The following C1GALT1 variants were observed in gnomAD, a reference collection of about 807,000 sequenced individuals.
C1GALT1 encodes the protein glycoprotein-N-acetylgalactosamine 3-beta-galactosyltransferase 1.
A neutral mutation model predicts 31.0 loss-of-function variants in C1GALT1; 11 were observed. The ratio of observed to expected loss-of-function variants is 0.36; its 90% confidence interval spans 0.22 to 0.59. The LOEUF is 0.59. C1GALT1 is among the 20% of genes least tolerant of loss of function. The pLI is 0.79. For synonymous variants in C1GALT1, 175 were observed against 143.6 expected, an observed-to-expected ratio of 1.22 and a Z score of -1.56; for missense variants, 424 against 425.2, an observed-to-expected ratio of 1.00 and a Z score of 0.03.
chr7:7,219,881 AAT>A (rs1290274630), intron 1 of C1GALT1, among the ~76,000 whole-genome samples: 5 of 152,122 alleles, frequency 3.3e-5, no homozygotes, highest in Admixed American at 1.3e-4. Flanking sequence ...CTTATGTTCT[AAT>A]ATGTTTTCAT....
intron 1 of C1GALT1, among the ~76,000 whole-genome samples, chr7:7,202,113 C>G (rs749507110): frequency 5.9e-5 from 9 of 152,124 alleles, no homozygotes; most frequent in African/African-American, 2.2e-4. Flanking sequence ...GTGAATTGGC[C>G]CTTTGGGATC....
chr7:7,190,472 C>T (rs539890857), intron 1 of C1GALT1, among the ~76,000 whole-genome samples: 1 of 152,264 alleles, frequency 6.6e-6, no homozygotes, highest in Admixed American at 6.5e-5. Flanking sequence ...AACATAGTTT[C>T]TGACAGTCTG....
At chr7:7,198,228 A>G (rs897191996) in intron 1 of C1GALT1, among the ~76,000 whole-genome samples, 1 of 152,194 alleles carries the variant, frequency 6.6e-6, no homozygotes, top group African/African-American at 2.4e-5. Flanking sequence ...ATTTATTGAG[A>G]GTTTTTAGCA....
Position 7,245,256 on chromosome 7 carries a change from C to T in C1GALT1, c.*1529C>T, listed in dbSNP as rs772759210. The T allele has an allele frequency of 1.3e-5, 2 of 152,264 alleles. No individual in the cohort carries two copies. Among genetic ancestry groups the T allele is most frequent in the Non-Finnish European group, 2.9e-5 (2 of 68,066 alleles). The allele number at this position is 152,264 out of a possible 1,614,324, so 9.4% of individuals were successfully genotyped here. On this transcript the variant is annotated 3_prime_UTR_variant, in exon 4 of 4. Transcript: ENST00000436587. ...TTTTTCGGAGACTGTCTCACTCTGTCTCCCAGGCTGGACTGCAGTGGTGCG... is the reference window on the plus strand; with the variant it reads ...TTTTTCGGAGACTGTCTCACTCTGTTTCCCAGGCTGGACTGCAGTGGTGCG...
intron 1 of C1GALT1, among the ~76,000 whole-genome samples, chr7:7,204,103 T>G (rs1042588115): frequency 1.4e-5 from 2 of 147,952 alleles, no homozygotes; most frequent in Admixed American, 6.7e-5. Context: ...TTCTGTTTTT[T>G]TTTTTTTGTT....
intron 2 of C1GALT1, among the ~76,000 whole-genome samples, chr7:7,163,871 C>T (rs1476645974): frequency 3.3e-5 from 5 of 151,394 alleles, no homozygotes; most frequent in African/African-American, 7.3e-5. Flanking sequence ...GAATCAATAT[C>T]GTGAAAATGG....
At chr7:7,175,439 G>C (rs1780495183) in intron 2 of C1GALT1, among the ~76,000 whole-genome samples, 1 of 152,180 alleles carries the variant, frequency 6.6e-6, no homozygotes, top group Non-Finnish European at 1.5e-5. Context: ...CATGTGCATG[G>C]CTTTCTAAAT....
chr7:7,237,051 C>G (rs1046040989), intron 2 of C1GALT1, among the ~76,000 whole-genome samples: 3 of 152,192 alleles, frequency 2.0e-5, no homozygotes, highest in African/African-American at 7.2e-5. Context: ...TAAAGAATGT[C>G]TGCTTATTTG....
At chr7:7,158,367 A>G (rs1178229766) in intron 2 of C1GALT1, among the ~76,000 whole-genome samples, 2 of 152,154 alleles carry the variant, frequency 1.3e-5, no homozygotes, top group East Asian at 1.9e-4. Flanking sequence ...TGTTGAATAG[A>G]AAGGAAAAAT....
At chr7:7,198,949 C>T (rs1417847754) in intron 1 of C1GALT1, among the ~76,000 whole-genome samples, 2 of 152,004 alleles carry the variant, frequency 1.3e-5, no homozygotes, top group South Asian at 2.1e-4. Flanking sequence ...GTCTTGCTAG[C>T]GGTCTATCCA....
intron 1 of C1GALT1, among the ~76,000 whole-genome samples, chr7:7,217,939 T>G (rs772806726): frequency 1.3e-5 from 2 of 152,212 alleles, no homozygotes; most frequent in Non-Finnish European, 2.9e-5. Flanking sequence ...TAGATGGCTC[T>G]TGCAAGCTGA....
rs1254673633 is a variant in C1GALT1, at chr7:7,164,158, C to T, written c.-18+6732C>T. Among the ~76,000 whole-genome samples the T allele has an allele frequency of 2.0e-5, 3 of 152,076 alleles. No homozygotes were observed. In the East Asian group the frequency reaches 5.8e-4, roughly 29 times the overall value. On this transcript the variant is annotated intron_variant, in intron 2 of 3. Transcript: ENST00000429911. ...AACAGAACAGAGCCCTCAGAAATAA[C>T]ACCGTATATCTACAACTATCTGATC...
chr7:7,181,233 T>TATTGCGGAAAGGTGGAAGGAG, upstream of C1GALT1, among the ~76,000 whole-genome samples: 2 of 148,672 alleles, frequency 1.3e-5, no homozygotes, highest in African/African-American at 2.5e-5. Flanking sequence ...GGTGGAAGGA[T>TATTGCGGAAAGGTGGAAGGAG]ATTGCGGAAA....
chr7:7,163,910 C>G (rs1395256164), intron 2 of C1GALT1, among the ~76,000 whole-genome samples: 1 of 151,636 alleles, frequency 6.6e-6, no homozygotes, highest in African/African-American at 2.4e-5. Flanking sequence ...TTTATAGATT[C>G]AATGCCATCC....
chr7:7,217,042 G>A (rs1324420701), intron 1 of C1GALT1, among the ~76,000 whole-genome samples: 4 of 152,150 alleles, frequency 2.6e-5, no homozygotes, highest in Admixed American at 2.6e-4. Context: ...CAGGGTAGAT[G>A]GAAGAGAGTA....
At chr7:7,211,986 A>G (rs570965801) in intron 1 of C1GALT1, among the ~76,000 whole-genome samples, 40 of 152,362 alleles carry the variant, frequency 2.6e-4, no homozygotes, top group African/African-American at 9.6e-4. Flanking sequence ...GGTAAAAGCT[A>G]ATTGTGAATG....
At chr7:7,211,783 G>A (rs1782016592) in intron 1 of C1GALT1, among the ~76,000 whole-genome samples, 1 of 152,186 alleles carries the variant, frequency 6.6e-6, no homozygotes, top group African/African-American at 2.4e-5. Flanking sequence ...TTAGTATAGT[G>A]ATTCAGATTT....
intron 1 of C1GALT1, among the ~76,000 whole-genome samples, chr7:7,205,548 G>C (rs1321663586): frequency 6.6e-6 from 1 of 152,086 alleles, no homozygotes; most frequent in African/African-American, 2.4e-5. Flanking sequence ...GGGTGGCAGA[G>C]GTAGAAGAAG....
rs768010408 is a variant in C1GALT1, at chr7:7,243,038, T to C, written c.889-486T>C. The stretch of plus-strand genomic sequence containing the variant: ...GCTTTGTCTCAAATACTGTACTGTT[T>C]GGGTTGATACATATATAGATGAAGT... On this transcript the variant is annotated intron_variant, in intron 3 of 3. Coordinates refer to ENST00000436587, the MANE Select transcript of C1GALT1 (RefSeq NM_020156.5). 4.1e-4 allele frequency among the ~76,000 whole-genome samples: 62 copies of C among 152,106 alleles called. 1 individual carries two copies. The highest frequency in any genetic ancestry group is 1.2e-4 in the Non-Finnish European group (8 of 67,960).
Sources: gnomAD v4.1 joint callset for allele counts (sites outside exome capture counted in the v4.1 genomes callset) on GRCh38, gnomAD v4.1.1 for gene constraint, MANE v1.5 for transcripts, NCBI Gene and HGNC (gene_info 2026-07-23, HGNC 2026-07-21) for gene names.